The following MAST4 variants were observed in gnomAD, a reference collection of about 807,000 sequenced individuals.
MAST4 encodes microtubule associated serine/threonine kinase family member 4.
Under a neutral mutation model 162.7 loss-of-function variants are expected in MAST4, and 89 were observed. The observed-to-expected ratio is 0.55, with a 90% CI of 0.46 to 0.65. MAST4 has a LOEUF of 0.65. MAST4 is among the 30% of genes least tolerant of loss of function. MAST4 has a pLI of 0.00. For synonymous variants in MAST4, 1,479 were observed against 1,361.1 expected (o/e 1.09, Z -1.91); for missense variants, 3,153 against 3,374.0 (o/e 0.93, Z 1.62).
At chr5:66,642,094 T>C (rs2149436411) in intron 1 of MAST4, among the ~76,000 whole-genome samples, 1 of 152,234 alleles carries the variant, frequency 6.6e-6, no homozygotes, top group African/African-American at 2.4e-5. Context: ...CGGAGACAAC[T>C]AGACATTATG....
intron 4 of MAST4, among the ~76,000 whole-genome samples, chr5:66,973,861 T>C (rs1200691411): frequency 6.6e-6 from 1 of 152,200 alleles, no homozygotes; most frequent in African/African-American, 2.4e-5. Context: ...TGTGTAGTAA[T>C]CTATAACCAG....
intron 2 of MAST4, among the ~76,000 whole-genome samples, chr5:66,774,065 C>G (rs1172615884): frequency 6.6e-6 from 1 of 152,118 alleles, no homozygotes; most frequent in Non-Finnish European, 1.5e-5. Context: ...TTATTTAGTT[C>G]CAGTAATGTA....
intron 1 of MAST4, among the ~76,000 whole-genome samples, chr5:66,727,377 T>G (rs187454173): frequency 4.8e-4 from 73 of 152,332 alleles, no homozygotes; most frequent in Admixed American, 1.2e-3. Context: ...ATTCCACTAA[T>G]GGGTCAAGAC....
chr5:66,726,787 ATGAAC>A (rs1181618255), intron 1 of MAST4, among the ~76,000 whole-genome samples: 2 of 152,074 alleles, frequency 1.3e-5, no homozygotes, highest in Non-Finnish European at 2.9e-5. Flanking sequence ...GAACCCTATT[ATGAAC>A]TGCGCATACG....
In MAST4 at chr5:66,985,791, G is replaced by A. The variant is rs374364674; in HGVS notation, c.675-68613G>A. Reference sequence around the variant, plus strand: ...CATATGTGGGGCTGCTTCCTATGTCGTTGAATTAGAAAAAATAAAATGGCA... The same window carrying A: ...CATATGTGGGGCTGCTTCCTATGTCATTGAATTAGAAAAAATAAAATGGCA... On this transcript the variant is annotated intron_variant, in intron 4 of 28. Transcript: ENST00000403625. 3.9e-5 allele frequency among the ~76,000 whole-genome samples: 6 copies of A among 152,144 alleles called. No homozygotes were observed. The East Asian group carries it at 5.8e-4, about 15-fold the overall frequency.
chr5:66,872,108 T>C (rs1460036979), intron 3 of MAST4, among the ~76,000 whole-genome samples: 1 of 152,180 alleles, frequency 6.6e-6, no homozygotes, highest in Non-Finnish European at 1.5e-5. Context: ...CCTTGGGAAG[T>C]AAATTCTGAT....
rs1771513689 is a variant in MAST4 at position 67,149,406 on chromosome 5, C to G, written c.3112C>G (p.His1038Asp). The change falls in exon 24 of 29, where the codon CAC becomes GAC. Residue 1038 changes from histidine (H) to aspartate (D), a missense_variant. His to Asp is a moderately conservative substitution (Grantham distance 81, BLOSUM62 -1). Around this residue, in one of 7 missense-constraint regions of MAST4, gnomAD observed 619 missense variants for 744.2 expected, o/e 0.83. Coordinates refer to ENST00000403625, the MANE Select transcript of MAST4 (RefSeq NM_001164664.2). ...TTGTACAGTTGGCAGTTTTTCAGAG[C>G]ACTTGGATCAGATAAATGGACGAAG... ...STLSVGSFSE[H>D]LDQINGRSEC... 1 of 1,612,896 alleles carries G rather than the reference C, an allele frequency of 6.2e-7. No individual in the cohort carries two copies.
intron 26 of MAST4, among the ~76,000 whole-genome samples, chr5:67,159,924 C>T (rs927457918): frequency 4.6e-5 from 7 of 152,060 alleles, no homozygotes; most frequent in East Asian, 1.9e-4. Flanking sequence ...AAGTCTCATT[C>T]GGTTTTGTTA....
intron 19 of MAST4, among the ~76,000 whole-genome samples, chr5:67,138,634 A>G (rs1769980007): frequency 6.6e-6 from 1 of 152,224 alleles, no homozygotes; most frequent in South Asian, 2.1e-4. Flanking sequence ...GGATTTTGCC[A>G]TGTTGGCCAG....
intron 14 of MAST4, among the ~76,000 whole-genome samples, chr5:67,125,962 G>A (rs1485477718): frequency 6.6e-6 from 1 of 152,144 alleles, no homozygotes; most frequent in Non-Finnish European, 1.5e-5. Context: ...GCGAGAGATG[G>A]TATCTCATTG....
At chr5:66,927,609 A>G (rs938126629) in intron 4 of MAST4, among the ~76,000 whole-genome samples, 1 of 152,176 alleles carries the variant, frequency 6.6e-6, no homozygotes, top group Non-Finnish European at 1.5e-5. Context: ...CTTGAGAAGT[A>G]ACTTGGTGGA....
At position 66,897,274 on chromosome 5, in the gene MAST4, A is replaced by G. The variant is rs74978903; in HGVS notation, c.643-2677A>G. Among the ~76,000 whole-genome samples, 534 of 152,280 alleles carry G rather than the reference A, an allele frequency of 3.5e-3. 6 individuals are homozygous for G. Among genetic ancestry groups the G allele is most frequent in the African/African-American group, 0.012 (515 of 41,554 alleles). ...TGGGTTTATGACCCAGACCAATACCACGTCTTATCTAATTATCTAAGTATG... is the reference window on the plus strand; with the variant it reads ...TGGGTTTATGACCCAGACCAATACCGCGTCTTATCTAATTATCTAAGTATG... On this transcript the variant is annotated intron_variant, in intron 3 of 28. Coordinates refer to ENST00000403625, the MANE Select transcript of MAST4 (RefSeq NM_001164664.2).
intron 1 of MAST4, among the ~76,000 whole-genome samples, chr5:66,757,123 C>T (rs1017373511): frequency 3.3e-5 from 5 of 151,890 alleles, no homozygotes; most frequent in African/African-American, 1.2e-4. Flanking sequence ...GCTTGTTTTT[C>T]TACCCGCTGT....
At chr5:67,075,852 A>G (rs532707558) in intron 5 of MAST4, among the ~76,000 whole-genome samples, 58 of 152,192 alleles carry the variant, frequency 3.8e-4, no homozygotes, top group Non-Finnish European at 6.3e-4. Flanking sequence ...TTATTTTTGA[A>G]ATTATAATTT....
At chr5:66,897,565 C>A (rs1214144857) in intron 3 of MAST4, among the ~76,000 whole-genome samples, 1 of 152,210 alleles carries the variant, frequency 6.6e-6, no homozygotes, top group Non-Finnish European at 1.5e-5. Flanking sequence ...CACTTTATTA[C>A]CATCACATCT....
intron 5 of MAST4, among the ~76,000 whole-genome samples, chr5:67,058,530 A>C (rs1271489652): frequency 1.3e-5 from 2 of 152,216 alleles, no homozygotes; most frequent in Non-Finnish European, 2.9e-5. Context: ...ATTTTTCTTC[A>C]GTAATGGACT....
In MAST4 at chr5:67,166,788, G is replaced by A. The variant is rs907976222; in HGVS notation, c.7609G>A (p.Asp2537Asn). ...CCTGCCTCTGGAGTCACACCACCCC[G>A]ACCCAAACACCATGGGCGGGGCCAG... Reference protein sequence around the residue: ...STLPLESHHPDPNTMGGASHR... With the variant: ...STLPLESHHPNPNTMGGASHR... Residue 2537 changes from aspartate (D) to asparagine (N), a missense_variant, in exon 29 of 29, where the codon GAC becomes AAC. This residue lies in a region of MAST4 where 1,644 missense variants were observed against 1,495.0 expected (regional missense o/e 1.10). Coordinates refer to ENST00000403625, the MANE Select transcript of MAST4 (RefSeq NM_001164664.2). 5 of 1,602,000 alleles carry A rather than the reference G, an allele frequency of 3.1e-6. No individual in the cohort carries two copies. In the Admixed American group the frequency reaches 6.9e-5, roughly 22 times the overall value.
At position 67,164,247 on chromosome 5, in the gene MAST4, C is replaced by T. The variant is rs909691151; in HGVS notation, c.5068C>T (p.Arg1690Ter). The T allele has an allele frequency of 3.1e-6, 5 of 1,613,854 alleles. No homozygotes were observed. Among genetic ancestry groups the T allele is most frequent in the South Asian group, 2.2e-5 (2 of 91,056 alleles). Residue 1690 changes from arginine (R) to a stop codon, truncating the protein, a stop_gained, in exon 29 of 29, where the codon CGA becomes TGA. Transcript: ENST00000403625. LOFTEE classifies it low-confidence loss of function (END_TRUNC). This position sits in a 1 kb window ranked among gnomAD's most constrained non-coding sequence, Gnocchi z 5.3. ...CAAGCTGGCCAACATCGATTACCTCCGAAAGAAAATGTCACTTGAGGACAA... is the reference window on the plus strand; with the variant it reads ...CAAGCTGGCCAACATCGATTACCTCTGAAAGAAAATGTCACTTGAGGACAA... The part of the protein sequence containing the change: ...DSKLANIDYL[R>*]KKMSLEDKED...
intron 4 of MAST4, among the ~76,000 whole-genome samples, chr5:66,964,618 G>A (rs1746454675): frequency 6.6e-6 from 1 of 152,140 alleles, no homozygotes; most frequent in African/African-American, 2.4e-5. Context: ...TGGCTAACAC[G>A]GTGAAACCCC....
Sources: gnomAD v4.1 joint callset for allele counts (sites outside exome capture counted in the v4.1 genomes callset) on GRCh38, gnomAD v4.1.1 for gene constraint, gnomAD v4.1.1 regional missense constraint, Gnocchi (gnomAD v3.1) non-coding constraint, MANE v1.5 for transcripts, NCBI Gene and HGNC (gene_info 2026-07-23, HGNC 2026-07-21) for gene names.